The following CYP4Z1 variants were observed in gnomAD, a reference collection of about 807,000 sequenced individuals.
CYP4Z1 encodes cytochrome P450 4Z1.
Under a neutral mutation model 54.2 loss-of-function variants are expected in CYP4Z1, and 41 were observed. The ratio of observed to expected loss-of-function variants is 0.76; its 90% CI spans 0.59 to 0.98. The LOEUF (loss-of-function observed/expected upper bound fraction) is 0.98, where lower values mean the gene tolerates loss of function less well. CYP4Z1 is among the 50% of genes least tolerant of loss of function. The pLI, the probability that CYP4Z1 is intolerant of heterozygous loss-of-function variation, is 0.00. For missense variants in CYP4Z1, 513 were observed against 599.0 expected (o/e 0.86, Z 1.50); for synonymous variants, 163 against 206.2 (o/e 0.79, Z 1.79).
intron 6 of CYP4Z1, among the ~76,000 whole-genome samples, chr1:47,086,492 C>T (rs911321486): frequency 6.6e-6 from 1 of 152,224 alleles, no homozygotes; most frequent in Admixed American, 6.5e-5. Flanking sequence ...CAAATGTCTT[C>T]TTTTGAGAAG....
intron 6 of CYP4Z1, 114 bp from the exon 7 acceptor site, chr1:47,094,452 G>A: frequency 1.5e-6 from 1 of 677,900 alleles, no homozygotes; most frequent in Non-Finnish European, 2.4e-6. Context: ...GGAACATTGG[G>A]TGGGGGGCAG....
chr1:47,112,462 G>A (rs906849189), intron 9 of CYP4Z1, among the ~76,000 whole-genome samples: 8 of 152,012 alleles, frequency 5.3e-5, no homozygotes, highest in African/African-American at 1.9e-4. Flanking sequence ...AAGTTGTCCA[G>A]AGCATAGAAA....
At chr1:47,066,598 G>A (rs1377412567), upstream of CYP4Z1, among the ~76,000 whole-genome samples, 1 of 152,122 alleles carries the variant, frequency 6.6e-6, no homozygotes, top group East Asian at 1.9e-4. Flanking sequence ...TTGAGAACTG[G>A]AACAAGAGAA....
intron 2 of CYP4Z1, among the ~76,000 whole-genome samples, chr1:47,074,135 A>G (rs1303604723): frequency 6.6e-6 from 1 of 152,162 alleles, no homozygotes; most frequent in Non-Finnish European, 1.5e-5. Flanking sequence ...AAGTAGGGGC[A>G]TTTGTTTATT....
intron 2 of CYP4Z1, among the ~76,000 whole-genome samples, chr1:47,073,073 C>T: frequency 9.2e-6 from 1 of 108,680 alleles, no homozygotes; most frequent in East Asian, 4.1e-4. Flanking sequence ...AACCTCATAC[C>T]AATTTTAAGC....
At chr1:47,057,495 G>A in the CYP4Z1 span, among the ~76,000 whole-genome samples, 1 of 116,854 alleles carries the variant, frequency 8.6e-6, no homozygotes, top group African/African-American at 3.4e-5. Context: ...TTTTTTTTTA[G>A]CTTTTTTCAT....
chr1:47,059,265 C>T, the CYP4Z1 span, among the ~76,000 whole-genome samples: 1 of 152,144 alleles, frequency 6.6e-6, no homozygotes, highest in East Asian at 1.9e-4. Flanking sequence ...TTGCCTAAAC[C>T]CTGAGGTTAA....
At chr1:47,085,437 T>G (rs1171233176) in intron 6 of CYP4Z1, among the ~76,000 whole-genome samples, 3 of 152,194 alleles carry the variant, frequency 2.0e-5, no homozygotes, top group Admixed American at 2.0e-4. Context: ...TAGATAACTT[T>G]GAGGGACCAT....
chr1:47,089,301 T>C (rs1644621015), intron 6 of CYP4Z1, among the ~76,000 whole-genome samples: 1 of 152,170 alleles, frequency 6.6e-6, no homozygotes. Flanking sequence ...TTTTTAAATA[T>C]TGTTGTGATG....
At position 47,094,678 on chromosome 1, in the gene CYP4Z1, T is replaced by C. The variant is rs1644663844; in HGVS notation, c.876+9T>C. On this transcript the variant is annotated intron_variant, in intron 7 of 11. Transcript: ENST00000334194. ...TACTTTTGAGTGCCAAAGTAAGTCT[T>C]CTAAACTTCTGAACACATTCGACTC... 6.2e-7 allele frequency: 1 copy of C among 1,600,278 alleles called. No homozygotes were observed. The highest frequency in any genetic ancestry group is 1.3e-5 in the African/African-American group (1 of 74,268).
intron 9 of CYP4Z1, chr1:47,115,320 T>C: frequency 2.5e-6 from 1 of 407,488 alleles, no homozygotes; most frequent in Non-Finnish European, 4.5e-6. Flanking sequence ...GGGGGATGGA[T>C]AGCATTAGGA....
intron 4 of CYP4Z1, among the ~76,000 whole-genome samples, chr1:47,083,981 T>C (rs963285697): frequency 1.3e-5 from 2 of 152,124 alleles, no homozygotes; most frequent in African/African-American, 4.8e-5. Context: ...TAATAACAGC[T>C]TAACAGTGTA....
chr1:47,062,345 C>T (rs577271324), upstream of CYP4Z1, among the ~76,000 whole-genome samples: 3 of 152,320 alleles, frequency 2.0e-5, no homozygotes, highest in Non-Finnish European at 4.4e-5. Flanking sequence ...AATCTACAGA[C>T]CTTTGAAGTA....
chr1:47,117,182 G>A (rs1412693153), intron 11 of CYP4Z1, among the ~76,000 whole-genome samples: 8 of 152,116 alleles, frequency 5.3e-5, no homozygotes, highest in Non-Finnish European at 8.8e-5. Flanking sequence ...GAGTATGCCA[G>A]GTTATTGTTC....
chr1:47,088,381 T>C (rs544645266), intron 6 of CYP4Z1, among the ~76,000 whole-genome samples: 8 of 152,306 alleles, frequency 5.3e-5, no homozygotes, highest in South Asian at 4.1e-4. Context: ...GAGCCTGTTA[T>C]TGGTCTATTC....
At position 47,084,815 on chromosome 1, in the gene CYP4Z1, C is replaced by T. The variant is rs1189567299; in HGVS notation, c.618-9C>T. ...CCACTAACATGTTGTTCCATCTTCC[C>T]TATTCCAGTACCCTGGACTCATACC... On this transcript the variant is annotated splice_polypyrimidine_tract_variant and intron_variant, in intron 5 of 11. Coordinates refer to ENST00000334194, the MANE Select transcript of CYP4Z1 (RefSeq NM_178134.3). The T allele has an allele frequency of 6.5e-7, 1 of 1,541,232 alleles. No individual in the cohort carries two copies. Among genetic ancestry groups the T allele is most frequent in the Non-Finnish European group, 8.7e-7 (1 of 1,153,426 alleles).
chr1:47,100,263 T>C (rs1325452928), intron 8 of CYP4Z1, among the ~76,000 whole-genome samples: 2 of 152,228 alleles, frequency 1.3e-5, no homozygotes, highest in Admixed American at 1.3e-4. Context: ...CTAGTGTTGA[T>C]GAACATTTAG....
chr1:47,072,833 G>C (rs61784337), intron 2 of CYP4Z1, among the ~76,000 whole-genome samples: 1 of 130,690 alleles, frequency 7.7e-6, no homozygotes, highest in African/African-American at 2.9e-5. Flanking sequence ...TGTTACATTT[G>C]AGGAATTCAG....
intron 9 of CYP4Z1, among the ~76,000 whole-genome samples, chr1:47,107,636 G>T (rs1033775885): frequency 3.3e-5 from 5 of 151,350 alleles, no homozygotes; most frequent in East Asian, 1.9e-4. Context: ...ATAAGCTCTG[G>T]TTTTTTTCAA....
Sources: allele counts gnomAD v4.1 joint callset (sites outside exome capture counted in the v4.1 genomes callset), GRCh38; gene constraint gnomAD v4.1.1; transcripts MANE v1.5; gene names NCBI Gene and HGNC (gene_info 2026-07-23, HGNC 2026-07-21).